The following OTOA variants were observed in gnomAD, a reference collection of about 807,000 sequenced individuals.
OTOA encodes the protein cancer/testis antigen 108.
In OTOA, 70 loss-of-function variants were observed where a neutral mutation model predicts 110.8. That is an observed-to-expected ratio of 0.63 (90% CI 0.52 to 0.77). The LOEUF (loss-of-function observed/expected upper bound fraction) is 0.77. Ranked by LOEUF, OTOA falls within the 30% of genes least tolerant of loss-of-function variation. OTOA has a pLI of 0.00. For missense variants in OTOA, 917 were observed against 1,075.8 expected, an observed-to-expected ratio of 0.85 and a Z score of 2.06; for synonymous variants, 373 against 431.5, an observed-to-expected ratio of 0.86 and a Z score of 1.68.
intron 1 of OTOA, among the ~76,000 whole-genome samples, chr16:21,667,597 T>C (rs1385276410): frequency 2.0e-5 from 3 of 150,414 alleles, no homozygotes; most frequent in Non-Finnish European, 4.4e-5. Context: ...AGAGACTCTG[T>C]CTTAAAAAAA....
chr16:21,719,962 T>C, intron 17 of OTOA, among the ~76,000 whole-genome samples: 1 of 151,742 alleles, frequency 6.6e-6, no homozygotes, highest in Non-Finnish European at 1.5e-5. Context: ...GATTTCTTTT[T>C]TTTTTTTTTT....
At chr16:21,704,074 A>G (rs1011085668) in intron 11 of OTOA, among the ~76,000 whole-genome samples, 1 of 152,160 alleles carries the variant, frequency 6.6e-6, no homozygotes, top group East Asian at 1.9e-4. Flanking sequence ...AACATCTCAC[A>G]GAGCTGGGCT....
chr16:21,688,878 C>T (rs1259009980), intron 8 of OTOA, among the ~76,000 whole-genome samples: 1 of 152,116 alleles, frequency 6.6e-6, no homozygotes, highest in African/African-American at 2.4e-5. Context: ...AGGCTCTGAG[C>T]CTGGGTCTTG....
intron 1 of OTOA, among the ~76,000 whole-genome samples, chr16:21,677,513 G>A (rs1006756173): frequency 9.5e-5 from 11 of 115,430 alleles, no homozygotes; most frequent in Non-Finnish European, 1.5e-4. Flanking sequence ...ACGGAGTCTT[G>A]CTCTGTCGCC....
At chr16:21,717,197 C>G in intron 15 of OTOA, 150 bp downstream of exon 15, 1 of 1,165,398 alleles carries the variant, frequency 8.6e-7, no homozygotes, top group South Asian at 1.3e-5. Context: ...AGAATTTGGA[C>G]AGGCTGAGGC....
At chr16:21,706,994 G>T (rs1460850093) in intron 12 of OTOA, among the ~76,000 whole-genome samples, 1 of 151,790 alleles carries the variant, frequency 6.6e-6, no homozygotes, top group Non-Finnish European at 1.5e-5. Context: ...CTCTGGAGTA[G>T]CTGGGACTAC....
chr16:21,685,114 A>G (rs1381982842), intron 6 of OTOA, 116 bp from the exon 7 acceptor site: 2 of 1,408,332 alleles, frequency 1.4e-6, no homozygotes, highest in East Asian at 2.4e-5. Context: ...ACTGCTGGCC[A>G]CTAGTTGTGG....
intron 21 of OTOA, among the ~76,000 whole-genome samples, chr16:21,733,373 G>T (rs1377399815): frequency 6.6e-6 from 1 of 151,142 alleles, no homozygotes; most frequent in Non-Finnish European, 1.5e-5. Flanking sequence ...ATTCCAAGAG[G>T]GACCAATCCA....
intron 1 of OTOA, among the ~76,000 whole-genome samples, chr16:21,666,662 AG>A (rs1966840703): frequency 6.6e-6 from 1 of 152,142 alleles, no homozygotes; most frequent in East Asian, 1.9e-4. Flanking sequence ...TTTTCACCAC[AG>A]GGATCCTTGC....
At chr16:21,712,735 C>G (rs1434263940) in intron 13 of OTOA, among the ~76,000 whole-genome samples, 1 of 151,244 alleles carries the variant, frequency 6.6e-6, no homozygotes, top group Admixed American at 6.6e-5. Flanking sequence ...GTCCCAGCTA[C>G]TCGGGAGGCT....
At chr16:21,749,593 T>C (rs1315999237) in intron 24 of OTOA, among the ~76,000 whole-genome samples, 2 of 146,300 alleles carry the variant, frequency 1.4e-5, no homozygotes, top group Non-Finnish European at 3.0e-5. Context: ...TGATTTTCGC[T>C]TCCACTTAGG....
At chr16:21,677,648 A>AT (rs1477815103) in intron 1 of OTOA, among the ~76,000 whole-genome samples, 2 of 149,930 alleles carry the variant, frequency 1.3e-5, no homozygotes, top group Non-Finnish European at 3.0e-5. Flanking sequence ...CGCCCGTCTA[A>AT]TTTTTTTGTA....
chr16:21,723,187 T>C (rs1262396818), intron 18 of OTOA, among the ~76,000 whole-genome samples: 1 of 152,146 alleles, frequency 6.6e-6, no homozygotes, highest in African/African-American at 2.4e-5. Flanking sequence ...TTTCCTGTTA[T>C]CTAAAAACCA....
chr16:21,697,283 C>A (rs1004818300), intron 9 of OTOA, among the ~76,000 whole-genome samples: 1 of 152,104 alleles, frequency 6.6e-6, no homozygotes, highest in African/African-American at 2.4e-5. Context: ...TGTTCACATC[C>A]TACGTGTGAT....
intron 6 of OTOA, 92 bp downstream of exon 6, chr16:21,681,917 G>A: frequency 8.6e-7 from 1 of 1,163,840 alleles, no homozygotes; most frequent in Non-Finnish European, 1.3e-6. Context: ...TGGGCTGGAT[G>A]TAGAGATAGT....
chr16:21,689,444 T>C (rs1897785007), intron 8 of OTOA, among the ~76,000 whole-genome samples: 1 of 152,162 alleles, frequency 6.6e-6, no homozygotes, highest in Non-Finnish European at 1.5e-5. Context: ...GAGAACATCA[T>C]TGGGAGAGAG....
intron 12 of OTOA, among the ~76,000 whole-genome samples, chr16:21,705,880 G>C (rs1898155418): frequency 6.6e-6 from 1 of 151,900 alleles, no homozygotes; most frequent in South Asian, 2.1e-4. Context: ...CAGAGGTTGT[G>C]GCGAGCTGAG....
intron 9 of OTOA, among the ~76,000 whole-genome samples, chr16:21,694,111 G>T (rs1177759743): frequency 2.0e-5 from 3 of 151,940 alleles, no homozygotes; most frequent in Admixed American, 2.0e-4. Context: ...CACCAAATAG[G>T]ATTCTTCTTT....
chr16:21,673,979 A>G (rs1966852730), intron 1 of OTOA, among the ~76,000 whole-genome samples: 1 of 151,900 alleles, frequency 6.6e-6, no homozygotes, highest in South Asian at 2.1e-4. Context: ...TTGTATTTTT[A>G]GTAGAGATGG....
Sources: allele counts gnomAD v4.1 joint callset (sites outside exome capture counted in the v4.1 genomes callset), GRCh38; gene constraint gnomAD v4.1.1; transcripts MANE v1.5; gene names NCBI Gene and HGNC (gene_info 2026-07-23, HGNC 2026-07-21).